Variants in NOTCH3 observed in about 807,000 individuals in gnomAD.
NOTCH3 encodes notch receptor 3, also known as neurogenic locus notch homolog protein 3.
A neutral mutation model predicts 213.3 loss-of-function variants in NOTCH3; 86 were observed. The ratio of observed to expected loss-of-function variants is 0.40; its 90% CI spans 0.34 to 0.48. The LOEUF (loss-of-function observed/expected upper bound fraction) is 0.48, where lower values mean the gene tolerates loss of function less well. NOTCH3 is among the 20% of genes least tolerant of loss of function. The pLI, the probability that NOTCH3 is intolerant of heterozygous loss-of-function variation, is 0.57. For missense variants in NOTCH3, 2,783 were observed against 3,272.6 expected (o/e 0.85, Z 3.65); for synonymous variants, 1,354 against 1,355.9 (o/e 1.00, Z 0.03).
rs765595081 is a variant in NOTCH3, at chr19:15,179,106, C to T, written c.3637G>A (p.Ala1213Thr). The T allele has an allele frequency of 2.5e-6, 4 of 1,614,200 alleles. No homozygotes were observed. The highest frequency in any genetic ancestry group is 3.4e-6 in the Non-Finnish European group (4 of 1,180,036). The change falls in exon 22 of 33, where the codon GCC (alanine) becomes ACC (threonine). Residue 1213 changes from alanine (A) to threonine (T), a missense_variant. This residue lies in a region of NOTCH3 where 861 missense variants were observed against 909.1 expected (regional missense o/e 0.95). Transcript: ENST00000263388. ...EADINECRSGACHAAHTRDCL... is the reference protein window; with the variant it reads ...EADINECRSGTCHAAHTRDCL... ...TCCCGGGTGTGTGCCGCGTGGCAGG[C>T]ACCTGAGCGACACTCATTGATGTCT...
At chr19:15,198,283 A>G (rs966088676) in intron 1 of NOTCH3, among the ~76,000 whole-genome samples, 3 of 152,154 alleles carry the variant, frequency 2.0e-5, no homozygotes, top group Non-Finnish European at 2.9e-5. Context: ...GCTGGGTCTG[A>G]GCTAGTGGAG....
Position 15,174,187 on chromosome 19 carries a change from C to T in NOTCH3, c.4617G>A (p.Leu1539=), listed in dbSNP as rs2145408797. Residue 1539 remains leucine (L), a synonymous_variant, in exon 25 of 33, where the codon CTG becomes CTA. Coordinates refer to ENST00000263388, the MANE Select transcript of NOTCH3 (RefSeq NM_000435.3). The part of the protein sequence containing the change: ...ADFLQRLSAI[L]RTSLRFRLDA... ...CCAGGCGGAAGCGCAGCGAGGTGCGCAGGATGGCGCTGAGCCGCTGCAGAA... is the reference window on the plus strand; with the variant it reads ...CCAGGCGGAAGCGCAGCGAGGTGCGTAGGATGGCGCTGAGCCGCTGCAGAA... 1.2e-6 allele frequency: 2 copies of T among 1,608,782 alleles called. No individual in the cohort carries two copies. The highest frequency in any genetic ancestry group is 2.2e-5 in the East Asian group (1 of 44,860).
chr19:15,190,557 C>G (rs62113818), intron 6 of NOTCH3, among the ~76,000 whole-genome samples: 42,218 of 152,066 alleles, frequency 0.28, 7,415 homozygotes, highest in South Asian at 0.43. Context: ...TACACTTCCC[C>G]ACTAAAGCTG....
intron 31 of NOTCH3, 60 bp from the exon 32 acceptor site, chr19:15,162,622 G>T: frequency 7.5e-7 from 1 of 1,324,816 alleles, no homozygotes; most frequent in Non-Finnish European, 1.1e-6. Context: ...CCCCATGTCA[G>T]GGAGGCAGAA....
rs2145440688 is a variant in NOTCH3, at chr19:15,191,797, T to C, written c.750A>G (p.Thr250=). 1 of 1,613,942 alleles carries C rather than the reference T, an allele frequency of 6.2e-7. No homozygotes were observed. Among genetic ancestry groups the C allele is most frequent in the Non-Finnish European group, 8.5e-7 (1 of 1,180,026 alleles). Reference sequence around the variant, plus strand: ...TATAGGTGTTGACGCCATCCACGCATGTCCCCCCATTGAGACATCGGTGTC... The same window carrying C: ...TATAGGTGTTGACGCCATCCACGCACGTCCCCCCATTGAGACATCGGTGTC... ...CPGHRCLNGG[T]CVDGVNTYNC... is the part of the protein sequence containing the mutation. The change falls in exon 5 of 33, where the codon ACA becomes ACG. Residue 250 remains threonine, a synonymous_variant. Transcript: ENST00000263388.
Position 15,161,679 on chromosome 19 carries a change from G to A in NOTCH3, c.5949C>T (p.Gly1983=), listed in dbSNP as rs2145383916. 1.2e-6 allele frequency: 2 copies of A among 1,613,884 alleles called. No homozygotes were observed. Among genetic ancestry groups the A allele is most frequent in the South Asian group, 2.2e-5 (2 of 91,024 alleles). The change falls in exon 33 of 33, where the codon GGC becomes GGT. Residue 1983 remains glycine, a synonymous_variant. Transcript: ENST00000263388. ...ETPLFLAARE[G]SYEAAKLLLD... ...ACAGCAGCTTGGCAGCCTCATAGCT[G>A]CCCTCGCGGGCGGCCAGGAATAGGG...
chr19:15,197,441 G>GCGCCCCCCCCCCCCCCCCCC, intron 2 of NOTCH3, 59 bp downstream of exon 2: 1 of 768,362 alleles, frequency 1.3e-6, no homozygotes, highest in East Asian at 2.7e-5. Context: ...AAGACAAATC[G>GCGCCCCCCCCCCCCCCCCCC]CCCCTCCCCC....
intron 2 of NOTCH3, among the ~76,000 whole-genome samples, chr19:15,194,684 G>A (rs925640350): frequency 5.9e-5 from 9 of 152,036 alleles, no homozygotes; most frequent in African/African-American, 1.5e-4. Flanking sequence ...GTCCAAGCGC[G>A]GTGGCTCACG....
chr19:15,168,991 G>A (rs2046707846), intron 28 of NOTCH3, among the ~76,000 whole-genome samples: 1 of 152,058 alleles, frequency 6.6e-6, no homozygotes, highest in Non-Finnish European at 1.5e-5. Flanking sequence ...ATAGCTCACT[G>A]CAGGCTCCAA....
Position 15,185,201 on chromosome 19 carries a change from G to A in NOTCH3, c.2296+56C>T, listed in dbSNP as rs1011959860. 6.3e-7 allele frequency: 1 copy of A among 1,593,342 alleles called. No individual in the cohort carries two copies. The highest frequency in any genetic ancestry group is 8.6e-7 in the Non-Finnish European group (1 of 1,162,738). On this transcript the variant is annotated intron_variant, in intron 14 of 32. Coordinates refer to ENST00000263388, the MANE Select transcript of NOTCH3 (RefSeq NM_000435.3). This position sits in a 1 kb window ranked among gnomAD's most constrained non-coding sequence, Gnocchi z 4.2. ...CGGGAGGAGAGAGTAGAGGAGAAGAGAGATGAGAAGGCCCATGGTGTTGGT... is the reference window on the plus strand; with the variant it reads ...CGGGAGGAGAGAGTAGAGGAGAAGAAAGATGAGAAGGCCCATGGTGTTGGT...
intron 1 of NOTCH3, 40 bp downstream of exon 1, chr19:15,200,748 C>A (rs1312809882): frequency 8.0e-7 from 1 of 1,247,082 alleles, no homozygotes; most frequent in East Asian, 3.1e-5. Flanking sequence ...CACTCCCCCT[C>A]TGCCGCCCTC....
At position 15,185,306 on chromosome 19, in the gene NOTCH3, G is replaced by A. The variant is rs2145429461; in HGVS notation, c.2247C>T (p.Cys749=). The A allele has an allele frequency of 6.2e-7, 1 of 1,612,344 alleles. No homozygotes were observed. The highest frequency in any genetic ancestry group is 8.5e-7 in the Non-Finnish European group (1 of 1,179,806). The change falls in exon 14 of 33, where the codon TGC becomes TGT. Residue 749 remains cysteine, a synonymous_variant. Transcript: ENST00000263388. The surrounding 1 kb of genome is among the most constrained non-coding windows in gnomAD (Gnocchi z 4.2). ...AGTGGAAACCCATTCCATCGCTGCT[G>A]CATGTCCCACCGGCCCTGCACGGCT... is the stretch of plus-strand genomic sequence containing the variant. The part of the protein sequence containing the change: ...ESQPCRAGGT[C]SSDGMGFHCT...
At chr19:15,172,629 C>T (rs2145405083) in intron 25 of NOTCH3, among the ~76,000 whole-genome samples, 1 of 152,098 alleles carries the variant, frequency 6.6e-6, no homozygotes, top group South Asian at 2.1e-4. Context: ...GGTACCTCTA[C>T]CAGGCCACTA....
intron 20 of NOTCH3, 36 bp downstream of exon 20, chr19:15,180,036 A>G (rs2046826095): frequency 3.4e-6 from 5 of 1,460,952 alleles, no homozygotes; most frequent in Non-Finnish European, 4.8e-6. Context: ...AAGCATGCCC[A>G]CCTCCTCTTC....
At position 15,180,077 on chromosome 19, in the gene NOTCH3, A is replaced by G; in HGVS notation, c.3322T>C (p.Cys1108Arg). ...TCRGYMGGYMCECLPGYNGDN... is the reference protein window; with the variant it reads ...TCRGYMGGYMRECLPGYNGDN... ...CCTGGGGAGCGCCCCCTTACCTCACACATGTAGCCCCCCATATAGCCACGG... is the reference window on the plus strand; with the variant it reads ...CCTGGGGAGCGCCCCCTTACCTCACGCATGTAGCCCCCCATATAGCCACGG... Residue 1108 changes from cysteine to arginine, a missense_variant, in exon 20 of 33, where the codon TGT (cysteine) becomes CGT (arginine). Around this residue, in one of 6 missense-constraint regions of NOTCH3, gnomAD observed 861 missense variants for 909.1 expected, o/e 0.95. Coordinates refer to ENST00000263388, the MANE Select transcript of NOTCH3 (RefSeq NM_000435.3). 1.2e-6 allele frequency: 2 copies of G among 1,607,280 alleles called. No homozygotes were observed. The highest frequency in any genetic ancestry group is 1.7e-6 in the Non-Finnish European group (2 of 1,175,636).
In NOTCH3 at chr19:15,192,474, G is replaced by A. The variant is rs2145443622; in HGVS notation, c.243C>T (p.Pro81=). Reference sequence around the variant, plus strand: ...GGCCAGCACAGGGGCCTGAGTGACAGGGGTCCTCCAGCTGACACCGCTCAC... The same window carrying A: ...GGCCAGCACAGGGGCCTGAGTGACAAGGGTCCTCCAGCTGACACCGCTCAC... ...WVGERCQLED[P]CHSGPCAGRG... is the part of the protein sequence containing the mutation. Residue 81 remains proline, a synonymous_variant, in exon 3 of 33, where the codon CCC becomes CCT. Coordinates refer to ENST00000263388, the MANE Select transcript of NOTCH3 (RefSeq NM_000435.3). 1.2e-6 allele frequency: 2 copies of A among 1,609,652 alleles called. No homozygotes were observed. The highest frequency in any genetic ancestry group is 8.5e-7 in the Non-Finnish European group (1 of 1,178,752).
At chr19:15,181,957 G>A (rs1175936927) in intron 16 of NOTCH3, among the ~76,000 whole-genome samples, 156 bp from the exon 17 acceptor site, 1 of 152,236 alleles carries the variant, frequency 6.6e-6, no homozygotes, top group East Asian at 1.9e-4. Flanking sequence ...ATCCCCTTCT[G>A]TGGCCTCGTC....
intron 28 of NOTCH3, among the ~76,000 whole-genome samples, chr19:15,169,673 A>G (rs1434170053): frequency 6.6e-6 from 1 of 152,016 alleles, no homozygotes; most frequent in East Asian, 1.9e-4. Flanking sequence ...CAGGGGCATG[A>G]CTCCATGAGC....
chr19:15,181,982 GA>G, intron 16 of NOTCH3, among the ~76,000 whole-genome samples, 181 bp from the exon 17 acceptor site: 1 of 152,354 alleles, frequency 6.6e-6, no homozygotes, highest in South Asian at 2.1e-4. Context: ...CCTTTATCTG[GA>G]AACCTCACCT....
Sources: gnomAD v4.1 joint callset for allele counts (sites outside exome capture counted in the v4.1 genomes callset) on GRCh38, gnomAD v4.1.1 for gene constraint, gnomAD v4.1.1 regional missense constraint, Gnocchi (gnomAD v3.1) non-coding constraint, MANE v1.5 for transcripts, NCBI Gene and HGNC (gene_info 2026-07-23, HGNC 2026-07-21) for gene names.